Variants in HUWE1 observed in about 807,000 individuals in gnomAD.
HUWE1 encodes the protein E3 ubiquitin-protein ligase HUWE1.
In HUWE1, 18 loss-of-function variants were observed where a neutral mutation model predicts 299.4. The observed-to-expected ratio is 0.06, with a 90% confidence interval of 0.04 to 0.09. HUWE1 has a LOEUF of 0.09. Ranked by LOEUF, HUWE1 falls within the 10% of genes least tolerant of loss-of-function variation. The pLI is 1.00. For synonymous variants in HUWE1, 1,317 were observed against 1,286.1 expected (o/e 1.02, Z -0.51); for missense variants, 1,832 against 3,462.3 (o/e 0.53, Z 11.82).
chrX:53,622,504 G>A (rs936865610), intron 19 of HUWE1, among the ~76,000 whole-genome samples: 4 of 111,239 alleles, frequency 3.6e-5, no homozygotes, highest in African/African-American at 1.3e-4. Context: ...TGGTGTAACG[G>A]GCACAAGTTT....
At chrX:53,624,177 G>C (rs1340213998) in intron 19 of HUWE1, among the ~76,000 whole-genome samples, 1 of 110,632 alleles carries the variant, frequency 9.0e-6, no homozygotes, top group Non-Finnish European at 1.9e-5. Flanking sequence ...TAGAGATGGG[G>C]TTTTGCCATG....
At chrX:53,538,722 ACACTCTCTCTCTCTCT>A (rs1418332533) in intron 76 of HUWE1, 97 bp downstream of exon 76, 13 of 439,995 alleles carry the variant, frequency 3.0e-5, no homozygotes, top group Middle Eastern at 6.9e-4. Context: ...ACACACACAC[ACACTCTCTCTCTCTCT>A]CTCTCTCTCT....
intron 43 of HUWE1, 48 bp downstream of exon 43, chrX:53,580,783 A>G: frequency 8.7e-7 from 1 of 1,147,268 alleles, no homozygotes; most frequent in Non-Finnish European, 1.2e-6. Flanking sequence ...CTGGATTTAT[A>G]CCAGGCCACA....
At chrX:53,660,762 T>G (rs1475298161) in intron 3 of HUWE1, among the ~76,000 whole-genome samples, 2 of 111,350 alleles carry the variant, frequency 1.8e-5, no homozygotes, top group Admixed American at 9.5e-5. Flanking sequence ...AAAGGAGGCT[T>G]ATTAGCACAC....
intron 3 of HUWE1, among the ~76,000 whole-genome samples, chrX:53,670,553 G>A (rs188837951): frequency 9.7e-4 from 108 of 111,502 alleles, no homozygotes; most frequent in Non-Finnish European, 2.8e-4. Context: ...TTGCTAGAGG[G>A]AGAGATCTGA....
At chrX:53,681,979 A>T (rs1397852782) in intron 2 of HUWE1, among the ~76,000 whole-genome samples, 1 of 111,802 alleles carries the variant, frequency 8.9e-6, no homozygotes, top group Non-Finnish European at 1.9e-5. Context: ...ACGTTCAAAC[A>T]TCATGAACCA....
intron 19 of HUWE1, among the ~76,000 whole-genome samples, chrX:53,618,783 G>C (rs942433681): frequency 9.2e-6 from 1 of 108,442 alleles, no homozygotes; most frequent in Admixed American, 9.9e-5. Flanking sequence ...GGCTGGTCTC[G>C]AACTCCTAAC....
rs797044773 is a variant in HUWE1 at position 53,554,886 on chromosome X, GGTT to G, written c.8238_8240del (p.Thr2747del). On this transcript the variant is annotated inframe_deletion, in exon 61 of 84. Coordinates refer to ENST00000262854, the MANE Select transcript of HUWE1 (RefSeq NM_031407.7). ...ATGTAGCTGCATCAGTTGAAGATGG[GGTT>G]GTTGGGTAGCTGTCAGGCATAGGCG... The G allele has an allele frequency of 8.4e-7, 1 of 1,190,223 alleles. No homozygotes were observed.
rs1448821490 is a variant in HUWE1, at chrX:53,534,379, CAA to C, written c.12831+135_12831+136del. 2.4e-4 allele frequency: 161 copies of C among 677,784 alleles called. No homozygotes were observed. In the Middle Eastern group the frequency reaches 2.5e-3, roughly 10 times the overall value. 55.9% of individuals were successfully genotyped at this position (677,784 alleles called of 1,213,427 possible). A position where few individuals can be genotyped will look rare whatever the true frequency, so the allele number is the denominator to read the frequency against. On this transcript the variant is annotated intron_variant, in intron 82 of 83. Coordinates refer to ENST00000262854, the MANE Select transcript of HUWE1 (RefSeq NM_031407.7). ...AGAAGTCTGCTATGCTTCAGGAGAACAAAGAGTTAGATATAGGTAGACTGTCT... is the reference window on the plus strand; with the variant it reads ...AGAAGTCTGCTATGCTTCAGGAGAACAGAGTTAGATATAGGTAGACTGTCT...
At chrX:53,601,091 T>C (rs2064807583) in intron 28 of HUWE1, among the ~76,000 whole-genome samples, 1 of 111,951 alleles carries the variant, frequency 8.9e-6, no homozygotes, top group African/African-American at 3.2e-5. Flanking sequence ...CATATGTAAG[T>C]CCTTGTTTGT....
chrX:53,645,570 CACA>C, intron 6 of HUWE1, 107 bp from the exon 7 acceptor site: 1 of 771,830 alleles, frequency 1.3e-6, no homozygotes, highest in Non-Finnish European at 1.9e-6. Flanking sequence ...GAAGTTTAGT[CACA>C]ACAATACAAA....
chrX:53,556,206 A>G (rs1453784194), intron 60 of HUWE1: 1 of 342,078 alleles, frequency 2.9e-6, no homozygotes, highest in African/African-American at 2.6e-5. Context: ...TGGAGGCAAC[A>G]CTGCTAAGAC....
intron 3 of HUWE1, among the ~76,000 whole-genome samples, chrX:53,656,101 C>T (rs2068731612): frequency 9.3e-6 from 1 of 107,851 alleles, no homozygotes; most frequent in Admixed American, 9.9e-5. Context: ...GCCAGGCAGG[C>T]GCAGTGGCTC....
rs2065844352 is a variant in HUWE1 at position 53,617,019 on chromosome X, A to T, written c.1908T>A (p.Ser636=). 1 of 1,211,243 alleles carries T rather than the reference A, an allele frequency of 8.3e-7. No homozygotes were observed. Among genetic ancestry groups the T allele is most frequent in the Non-Finnish European group, 1.1e-6 (1 of 894,992 alleles). The part of the protein sequence containing the change: ...PFERLFKVLL[S]PDYLPAMRRR... Reference sequence around the variant, plus strand: ...TCCGCATGGCTGGGAGGTAATCTGGAGACAGAAGAACTTTGAAGAGGCGTT... The same window carrying T: ...TCCGCATGGCTGGGAGGTAATCTGGTGACAGAAGAACTTTGAAGAGGCGTT... The change falls in exon 21 of 84, where the codon TCT becomes TCA. Residue 636 remains serine, a synonymous_variant. Transcript: ENST00000262854.
At chrX:53,666,039 G>C (rs1351586845) in intron 3 of HUWE1, among the ~76,000 whole-genome samples, 4 of 111,979 alleles carry the variant, frequency 3.6e-5, no homozygotes, top group Non-Finnish European at 5.6e-5. Context: ...GTATCGAATA[G>C]GTGAATTTCA....
intron 2 of HUWE1, chrX:53,684,113 C>T (rs1362508151): frequency 1.1e-5 from 3 of 266,916 alleles, no homozygotes; most frequent in East Asian, 5.4e-5. Flanking sequence ...TACAGCTTCA[C>T]CCTACGCGAA....
At chrX:53,596,432 T>C (rs2064476303) in intron 29 of HUWE1, among the ~76,000 whole-genome samples, 1 of 112,360 alleles carries the variant, frequency 8.9e-6, no homozygotes, top group African/African-American at 3.2e-5. Flanking sequence ...TATACACAAA[T>C]TATAAAAATT....
chrX:53,644,785 T>C (rs1421921652), intron 7 of HUWE1, among the ~76,000 whole-genome samples: 5 of 112,105 alleles, frequency 4.5e-5, no homozygotes, highest in Admixed American at 1.9e-4. Context: ...TATTAAGAAG[T>C]TGCCTCTGGG....
At chrX:53,623,025 T>G in intron 19 of HUWE1, among the ~76,000 whole-genome samples, 1 of 111,598 alleles carries the variant, frequency 9.0e-6, no homozygotes, top group East Asian at 2.8e-4. Flanking sequence ...GAGGGATGAA[T>G]TAAGAAAACC....
Sources: allele counts gnomAD v4.1 joint callset (sites outside exome capture counted in the v4.1 genomes callset), GRCh38; gene constraint gnomAD v4.1.1; transcripts MANE v1.5; gene names NCBI Gene and HGNC (gene_info 2026-07-23, HGNC 2026-07-21).